Variants in CWC27 observed in about 807,000 individuals in gnomAD.
CWC27 encodes CWC27 spliceosome associated cyclophilin.
A neutral mutation model predicts 63.6 loss-of-function variants in CWC27; 47 were observed. That is an observed-to-expected ratio of 0.74 (90% confidence interval 0.58 to 0.94). CWC27 has a LOEUF of 0.94. CWC27 is among the 40% of genes least tolerant of loss of function. The pLI, the probability that CWC27 is intolerant of heterozygous loss-of-function variation, is 0.00. For synonymous variants in CWC27, 175 were observed against 179.8 expected (o/e 0.97, Z 0.22); for missense variants, 495 against 554.3 (o/e 0.89, Z 1.07).
chr5:64,966,188 CA>C (rs1305203233), intron 11 of CWC27, among the ~76,000 whole-genome samples: 129 of 142,924 alleles, frequency 9.0e-4, no homozygotes, highest in East Asian at 1.8e-3. Context: ...CATAATCTAG[CA>C]AAAAAAAAAA....
chr5:64,845,830 C>T (rs988940435), intron 10 of CWC27, among the ~76,000 whole-genome samples: 1 of 152,150 alleles, frequency 6.6e-6, no homozygotes, highest in Non-Finnish European at 1.5e-5. Flanking sequence ...GAAAGAATGA[C>T]TGAAAAATCC....
At chr5:64,992,765 C>T (rs191633348) in intron 13 of CWC27, among the ~76,000 whole-genome samples, 34 of 151,722 alleles carry the variant, frequency 2.2e-4, no homozygotes. Context: ...GATCTCCTGA[C>T]CTCATGATCC....
intron 11 of CWC27, among the ~76,000 whole-genome samples, chr5:64,911,667 AGAAGAGGGAATAGGGACTGAAGTCC>A (rs1747788086): frequency 1.3e-5 from 2 of 152,124 alleles, no homozygotes; most frequent in Admixed American, 6.5e-5. Flanking sequence ...TCTCTTGTTG[AGAAGAGGGAATAGGGACTGAAGTCC>A]AGGGTCTGCT....
intron 11 of CWC27, among the ~76,000 whole-genome samples, chr5:64,964,308 G>A (rs1748975138): frequency 1.3e-5 from 2 of 152,158 alleles, no homozygotes; most frequent in South Asian, 4.1e-4. Flanking sequence ...TGTCTGAGAG[G>A]AAATCCCATT....
At chr5:64,998,313 G>A (rs1041048670) in intron 13 of CWC27, among the ~76,000 whole-genome samples, 1 of 152,120 alleles carries the variant, frequency 6.6e-6, no homozygotes, top group Non-Finnish European at 1.5e-5. Flanking sequence ...TCTACTGGCT[G>A]TAGGTTAAAT....
At chr5:64,866,242 T>C (rs1746528894) in intron 10 of CWC27, among the ~76,000 whole-genome samples, 1 of 152,050 alleles carries the variant, frequency 6.6e-6, no homozygotes, top group Non-Finnish European at 1.5e-5. Context: ...CCAAAGCTGG[T>C]GATTTTTCTC....
chr5:64,916,025 C>G (rs1243656730), intron 11 of CWC27, among the ~76,000 whole-genome samples: 1 of 152,132 alleles, frequency 6.6e-6, no homozygotes, highest in Non-Finnish European at 1.5e-5. Flanking sequence ...CATTTCATCT[C>G]ACTGATTGAG....
intron 11 of CWC27, among the ~76,000 whole-genome samples, chr5:64,967,562 T>C (rs1325400436): frequency 6.6e-6 from 1 of 151,902 alleles, no homozygotes; most frequent in Non-Finnish European, 1.5e-5. Context: ...AGTATACTAC[T>C]GGCACAAGCA....
intron 11 of CWC27, among the ~76,000 whole-genome samples, chr5:64,957,083 G>C (rs1472947087): frequency 6.6e-6 from 1 of 152,070 alleles, no homozygotes; most frequent in African/African-American, 2.4e-5. Flanking sequence ...AGTATTTTAA[G>C]GACTGTTTTG....
At chr5:64,776,857 C>T (rs368385857) in intron 2 of CWC27, among the ~76,000 whole-genome samples, 1 of 152,152 alleles carries the variant, frequency 6.6e-6, no homozygotes, top group South Asian at 2.1e-4. Context: ...TGGCCCTCAA[C>T]TAAAATGATG....
At chr5:64,873,079 A>T (rs1201155639) in intron 10 of CWC27, among the ~76,000 whole-genome samples, 4 of 152,222 alleles carry the variant, frequency 2.6e-5, no homozygotes, top group Non-Finnish European at 4.4e-5. Context: ...ATAGAGCAGA[A>T]AGAAAAGAAA....
chr5:64,902,907 T>C (rs890972769), intron 11 of CWC27, among the ~76,000 whole-genome samples: 6 of 152,344 alleles, frequency 3.9e-5, no homozygotes, highest in Middle Eastern at 6.8e-3. Context: ...CACTGTTTTG[T>C]AGTTTTCAAT....
rs1743139167 is a variant in CWC27, at chr5:64,769,056, A to C, written c.-91A>C. 2 of 1,051,518 alleles carry C rather than the reference A, an allele frequency of 1.9e-6. No individual in the cohort carries two copies. The highest frequency in any genetic ancestry group is 1.6e-5 in the African/African-American group (1 of 62,286). The allele number at this position is 1,051,518 out of a possible 1,614,324, so 65.1% of individuals were successfully genotyped here. On this transcript the variant is annotated 5_prime_UTR_variant, in exon 1 of 14. Transcript: ENST00000381070. Reference sequence around the variant, plus strand: ...GAAGCTTTCCTGCACCACTGGACTTAAGGAAGAGTGTACTCGTAGGCGGAC... The same window carrying C: ...GAAGCTTTCCTGCACCACTGGACTTCAGGAAGAGTGTACTCGTAGGCGGAC...
intron 12 of CWC27, among the ~76,000 whole-genome samples, chr5:64,974,501 G>A (rs1749189585): frequency 6.6e-6 from 1 of 152,074 alleles, no homozygotes; most frequent in Non-Finnish European, 1.5e-5. Context: ...TCGCTATCAC[G>A]AGAATAGCAT....
Position 64,804,561 on chromosome 5 carries a change from T to TA in CWC27, c.938+178dup, listed in dbSNP as rs1232242237. ...GGCCTAAAATAAAATACACCAAGCT[T>TA]AAAGTAAACATAACAATGATCCTAT... On this transcript the variant is annotated intron_variant, in intron 10 of 13. Coordinates refer to ENST00000381070, the MANE Select transcript of CWC27 (RefSeq NM_005869.4). 14 of 554,870 alleles carry TA rather than the reference T, an allele frequency of 2.5e-5. No individual in the cohort carries two copies. The South Asian group carries it at 2.5e-4, about 10-fold the overall frequency. 34.4% of individuals were successfully genotyped at this position (554,870 alleles called of 1,614,324 possible). A position where few individuals can be genotyped will look rare whatever the true frequency, so the allele number is the denominator to read the frequency against.
At chr5:64,808,698 A>G (rs1328575306) in intron 10 of CWC27, 1 of 152,150 alleles carries the variant, frequency 6.6e-6, no homozygotes, top group Non-Finnish European at 1.5e-5. Flanking sequence ...GAGGCGGCTA[A>G]TATCTTAAGC....
intron 10 of CWC27, among the ~76,000 whole-genome samples, chr5:64,810,211 C>T (rs1172181361): frequency 6.6e-6 from 1 of 151,930 alleles, no homozygotes; most frequent in Non-Finnish European, 1.5e-5. Flanking sequence ...CTGTAAATAC[C>T]TGAGTTTATT....
At chr5:64,889,759 G>A (rs973432759) in intron 11 of CWC27, among the ~76,000 whole-genome samples, 4 of 152,148 alleles carry the variant, frequency 2.6e-5, no homozygotes, top group African/African-American at 7.2e-5. Context: ...TTTTACTATA[G>A]ATACCAGCAA....
chr5:64,998,372 A>G (rs1025718592), intron 13 of CWC27, among the ~76,000 whole-genome samples: 4 of 152,118 alleles, frequency 2.6e-5, no homozygotes, highest in Admixed American at 1.3e-4. Flanking sequence ...GTAAGAATGC[A>G]TATTACAGAT....
Sources: allele counts gnomAD v4.1 joint callset (sites outside exome capture counted in the v4.1 genomes callset), GRCh38; gene constraint gnomAD v4.1.1; transcripts MANE v1.5; gene names NCBI Gene and HGNC (gene_info 2026-07-23, HGNC 2026-07-21).